The following GALNT17 variants were observed in gnomAD, a reference collection of about 807,000 sequenced individuals.
The protein encoded by GALNT17 is polypeptide N-acetylgalactosaminyltransferase 17.
A neutral mutation model predicts 63.7 loss-of-function variants in GALNT17; 29 were observed. The ratio of observed to expected loss-of-function variants is 0.46; its 90% CI spans 0.34 to 0.62. The LOEUF (loss-of-function observed/expected upper bound fraction) is 0.62, where lower values mean the gene tolerates loss of function less well. Among genes scored for constraint, GALNT17 ranks in the 20% least tolerant of loss-of-function variants. The pLI is 0.01. For missense variants in GALNT17, 603 were observed against 799.6 expected (o/e 0.75, Z 2.97); for synonymous variants, 305 against 318.3 (o/e 0.96, Z 0.45).
intron 1 of GALNT17, among the ~76,000 whole-genome samples, chr7:71,193,020 C>A (rs1289749798): frequency 6.6e-6 from 1 of 152,122 alleles, no homozygotes; most frequent in South Asian, 2.1e-4. Context: ...ATGTGTGCAC[C>A]CAGAGTCTTT....
In GALNT17 at chr7:71,600,739, T is replaced by A. The variant is rs80004374; in HGVS notation, c.1080+29337T>A. Among the ~76,000 whole-genome samples, 731 of 131,506 alleles carry A rather than the reference T, an allele frequency of 5.6e-3. 14 individuals carry two copies. Among genetic ancestry groups the A allele is most frequent in the African/African-American group, 0.02 (703 of 34,444 alleles). The allele number at this position is 131,506 out of a possible 152,430, so 86.3% of individuals were successfully genotyped here. A position where few individuals can be genotyped will look rare whatever the true frequency, so the allele number is the denominator to read the frequency against. On this transcript the variant is annotated intron_variant, in intron 6 of 10. Coordinates refer to ENST00000333538, the MANE Select transcript of GALNT17 (RefSeq NM_022479.3). ...ACCTTGGAGAGTAATTTTGGTTTTT[T>A]GTTTGTTTGTTTGTTTTTTCACTCT...
intron 5 of GALNT17, among the ~76,000 whole-genome samples, chr7:71,564,618 G>A (rs1408538238): frequency 1.3e-5 from 2 of 151,838 alleles, no homozygotes; most frequent in Admixed American, 6.6e-5. Flanking sequence ...CACCAACAGC[G>A]ACCATCGTCA....
At chr7:71,420,545 T>A (rs1197576246) in intron 4 of GALNT17, among the ~76,000 whole-genome samples, 1 of 152,164 alleles carries the variant, frequency 6.6e-6, no homozygotes, top group Non-Finnish European at 1.5e-5. Flanking sequence ...TGTATAAAAC[T>A]GTCATGCAAT....
At chr7:71,243,867 T>G (rs1187641674) in intron 1 of GALNT17, among the ~76,000 whole-genome samples, 1 of 152,240 alleles carries the variant, frequency 6.6e-6, no homozygotes, top group African/African-American at 2.4e-5. Flanking sequence ...CTATTGAATT[T>G]GGCCATGATG....
intron 5 of GALNT17, among the ~76,000 whole-genome samples, chr7:71,523,985 G>A (rs974531928): frequency 6.7e-6 from 1 of 150,078 alleles, no homozygotes; most frequent in African/African-American, 2.4e-5. Context: ...AGATGTGGTG[G>A]CACAGGCCTG....
At chr7:71,529,987 TAATC>T (rs892265205) in intron 5 of GALNT17, among the ~76,000 whole-genome samples, 1 of 152,238 alleles carries the variant, frequency 6.6e-6, no homozygotes, top group African/African-American at 2.4e-5. Context: ...TTAATTATGA[TAATC>T]AAAGTGGAAG....
rs191020251 is a variant in GALNT17, at chr7:71,348,600, G to T, written c.422+12867G>T. On this transcript the variant is annotated intron_variant, in intron 2 of 10. Coordinates refer to ENST00000333538, the MANE Select transcript of GALNT17 (RefSeq NM_022479.3). ...AACCCCCGGGGTCATTGACTCTCAAGTTCACATTCCCCAGATGTAGATGCA... is the reference window on the plus strand; with the variant it reads ...AACCCCCGGGGTCATTGACTCTCAATTTCACATTCCCCAGATGTAGATGCA... Among the ~76,000 whole-genome samples, 225 of 152,272 alleles carry T rather than the reference G, an allele frequency of 1.5e-3. 2 individuals carry two copies. The highest frequency in any genetic ancestry group is 0.01 in the Middle Eastern group (3 of 294).
chr7:71,382,549 C>T (rs1792866161), intron 2 of GALNT17, among the ~76,000 whole-genome samples: 1 of 152,020 alleles, frequency 6.6e-6, no homozygotes, highest in Non-Finnish European at 1.5e-5. Context: ...CAGTGAGGTC[C>T]AGGAAAAGCC....
At chr7:71,645,463 G>A (rs908128800) in intron 6 of GALNT17, among the ~76,000 whole-genome samples, 8 of 152,138 alleles carry the variant, frequency 5.3e-5, no homozygotes, top group African/African-American at 1.9e-4. Context: ...TTGTGAAGAA[G>A]TGCCTGCTTC....
chr7:71,342,374 C>T (rs1792020098), intron 2 of GALNT17, among the ~76,000 whole-genome samples: 1 of 152,088 alleles, frequency 6.6e-6, no homozygotes, highest in Admixed American at 6.6e-5. Context: ...TGGCACTAAG[C>T]CATTTATGGA....
Position 71,677,368 on chromosome 7 carries a change from T to C in GALNT17, c.1500+62T>C, listed in dbSNP as rs1791168647. On this transcript the variant is annotated intron_variant, in intron 9 of 10. Coordinates refer to ENST00000333538, the MANE Select transcript of GALNT17 (RefSeq NM_022479.3). ...CACCATCTCCGACCCACAGAGGCCT[T>C]GCAGGCCTTCTGGATAAACTTTGTT... 10 of 1,484,630 alleles carry C rather than the reference T, an allele frequency of 6.7e-6. No homozygotes were observed. In the East Asian group the frequency reaches 2.3e-4, roughly 34 times the overall value. 92.0% of individuals were successfully genotyped at this position (1,484,630 alleles called of 1,614,324 possible).
At chr7:71,598,490 G>T (rs1173238499) in intron 6 of GALNT17, among the ~76,000 whole-genome samples, 1 of 152,172 alleles carries the variant, frequency 6.6e-6, no homozygotes, top group East Asian at 1.9e-4. Flanking sequence ...CTCTTACCTG[G>T]ATTTAGTGGT....
chr7:71,638,608 G>A (rs1260627394), intron 6 of GALNT17, among the ~76,000 whole-genome samples: 2 of 152,170 alleles, frequency 1.3e-5, no homozygotes, highest in South Asian at 2.1e-4. Context: ...TAGAATGGAC[G>A]GAGAAGCATG....
intron 9 of GALNT17, among the ~76,000 whole-genome samples, chr7:71,704,711 C>A (rs1791698298): frequency 6.6e-6 from 1 of 152,084 alleles, no homozygotes; most frequent in African/African-American, 2.4e-5. Flanking sequence ...TAGAAACAAA[C>A]CCTCACATTT....
At chr7:71,628,844 A>C (rs1398559186) in intron 6 of GALNT17, among the ~76,000 whole-genome samples, 1 of 152,116 alleles carries the variant, frequency 6.6e-6, no homozygotes, top group Non-Finnish European at 1.5e-5. Flanking sequence ...AGGCACGAGA[A>C]TCGCTTGAAC....
chr7:71,581,174 T>C (rs1358864531), intron 6 of GALNT17, among the ~76,000 whole-genome samples: 2 of 152,238 alleles, frequency 1.3e-5, no homozygotes, highest in African/African-American at 2.4e-5. Context: ...TTTGTTTTGA[T>C]TGAGACATAG....
At chr7:71,667,885 C>T (rs758686833) in intron 7 of GALNT17, among the ~76,000 whole-genome samples, 8 of 152,010 alleles carry the variant, frequency 5.3e-5, no homozygotes, top group East Asian at 1.9e-4. Context: ...CTGTAACCTC[C>T]GTCTCCCAGG....
At chr7:71,589,820 G>A (rs1789772198) in intron 6 of GALNT17, among the ~76,000 whole-genome samples, 2 of 152,174 alleles carry the variant, frequency 1.3e-5, no homozygotes, top group Admixed American at 1.3e-4. Flanking sequence ...TGAGTTCTAT[G>A]AGGCTTGCGA....
intron 1 of GALNT17, among the ~76,000 whole-genome samples, chr7:71,137,436 G>GCC (rs1787807478): frequency 6.6e-6 from 1 of 152,190 alleles, no homozygotes; most frequent in Non-Finnish European, 1.5e-5. Context: ...ACCGCGCCCG[G>GCC]CCATTTTGGA....
Sources: gnomAD v4.1 joint callset for allele counts (sites outside exome capture counted in the v4.1 genomes callset) on GRCh38, gnomAD v4.1.1 for gene constraint, MANE v1.5 for transcripts, NCBI Gene and HGNC (gene_info 2026-07-23, HGNC 2026-07-21) for gene names.